The following GNAO1 variants were observed in gnomAD, a reference collection of about 807,000 sequenced individuals.
GNAO1 encodes G protein subunit alpha o1.
For missense variants in GNAO1, 166 were observed against 478.7 expected (o/e 0.35, Z 6.10); for synonymous variants, 164 against 180.7 (o/e 0.91, Z 0.74).
intron 2 of GNAO1, among the ~76,000 whole-genome samples, chr16:56,275,215 G>A (rs1382934818): frequency 1.3e-5 from 2 of 152,236 alleles, no homozygotes; most frequent in Non-Finnish European, 2.9e-5. Flanking sequence ...TTTGGCGTGA[G>A]CCCCTCCTTC....
intron 2 of GNAO1, among the ~76,000 whole-genome samples, chr16:56,257,117 A>G (rs1453585320): frequency 6.6e-6 from 1 of 152,120 alleles, no homozygotes; most frequent in African/African-American, 2.4e-5. Flanking sequence ...TGTCATGCCC[A>G]GTCTTCAGTA....
intron 2 of GNAO1, among the ~76,000 whole-genome samples, chr16:56,197,312 C>T (rs1483074606): frequency 6.6e-6 from 1 of 152,222 alleles, no homozygotes; most frequent in Non-Finnish European, 1.5e-5. Context: ...TTGCCTCCCT[C>T]CCTTCGTCCC....
chr16:56,249,549 A>G (rs1456265874), intron 2 of GNAO1, among the ~76,000 whole-genome samples: 1 of 152,196 alleles, frequency 6.6e-6, no homozygotes, highest in African/African-American at 2.4e-5. Context: ...AGGAGCTGGA[A>G]CAGAGCTTTT....
intron 2 of GNAO1, among the ~76,000 whole-genome samples, chr16:56,211,942 A>G (rs1476720311): frequency 6.6e-6 from 1 of 152,188 alleles, no homozygotes; most frequent in African/African-American, 2.4e-5. Flanking sequence ...GTGACTGTAA[A>G]TTATGCAACT....
chr16:56,242,884 C>CAGCAGGAAGTGAGT (rs2036707908), intron 2 of GNAO1, among the ~76,000 whole-genome samples: 1 of 152,206 alleles, frequency 6.6e-6, no homozygotes, highest in Non-Finnish European at 1.5e-5. Flanking sequence ...CCAGGCCATA[C>CAGCAGGAAGTGAGT]AGCAGGAAGT....
intron 6 of GNAO1, among the ~76,000 whole-genome samples, chr16:56,342,677 G>A (rs2037817324): frequency 6.6e-6 from 1 of 152,346 alleles, no homozygotes; most frequent in Middle Eastern, 3.4e-3. Flanking sequence ...GCCACAGGAG[G>A]TGATATCAAG....
At chr16:56,240,128 T>A (rs2036679949) in intron 2 of GNAO1, among the ~76,000 whole-genome samples, 1 of 152,098 alleles carries the variant, frequency 6.6e-6, no homozygotes, top group Non-Finnish European at 1.5e-5. Flanking sequence ...CCCAGTGTAA[T>A]CTTACAATGG....
chr16:56,284,554 C>T (rs1259514872), intron 3 of GNAO1, among the ~76,000 whole-genome samples: 2 of 152,198 alleles, frequency 1.3e-5, no homozygotes, highest in Admixed American at 6.5e-5. Context: ...TGAAATGTCT[C>T]TTAGCTGCTC....
chr16:56,304,727 T>C (rs1039542855), intron 3 of GNAO1, among the ~76,000 whole-genome samples: 4 of 152,250 alleles, frequency 2.6e-5, no homozygotes, highest in Non-Finnish European at 5.9e-5. Flanking sequence ...AATAAACAAA[T>C]GCCTCCACCC....
chr16:56,276,234 A>C, intron 3 of GNAO1, 162 bp downstream of exon 3: 2 of 534,818 alleles, frequency 3.7e-6, no homozygotes, highest in South Asian at 4.1e-5. Context: ...CATTGCATCC[A>C]CCCCTCTGGC....
At chr16:56,333,475 G>C (rs920004274) in intron 4 of GNAO1, among the ~76,000 whole-genome samples, 1 of 152,202 alleles carries the variant, frequency 6.6e-6, no homozygotes, top group African/African-American at 2.4e-5. Flanking sequence ...CTCCCAAAGT[G>C]CTGGGATTAC....
At chr16:56,327,077 A>G (rs1342762478) in intron 3 of GNAO1, among the ~76,000 whole-genome samples, 1 of 152,094 alleles carries the variant, frequency 6.6e-6, no homozygotes, top group Non-Finnish European at 1.5e-5. Context: ...AGATGGTAAT[A>G]CTACAGCAAC....
intron 3 of GNAO1, among the ~76,000 whole-genome samples, chr16:56,298,840 G>C (rs374405306): frequency 1.3e-5 from 2 of 151,856 alleles, no homozygotes; most frequent in African/African-American, 4.8e-5. Context: ...GTGTGAACCC[G>C]GTAGGCGGAG....
intron 2 of GNAO1, among the ~76,000 whole-genome samples, chr16:56,214,751 G>C (rs1282518310): frequency 6.6e-6 from 1 of 152,182 alleles, no homozygotes; most frequent in East Asian, 1.9e-4. Flanking sequence ...CTGTCCCTCT[G>C]TCCCAACCCC....
chr16:56,301,812 G>C (rs1352498314), intron 3 of GNAO1: 1 of 152,120 alleles, frequency 6.6e-6, no homozygotes, highest in African/African-American at 2.4e-5. Context: ...TATTGTCACT[G>C]AGTGTGCTGA....
At chr16:56,226,770 A>G (rs1303238667) in intron 2 of GNAO1, among the ~76,000 whole-genome samples, 1 of 152,220 alleles carries the variant, frequency 6.6e-6, no homozygotes, top group African/African-American at 2.4e-5. Flanking sequence ...TCACAGAACA[A>G]TAAACCGAGG....
rs116441240 is a variant in GNAO1 at position 56,343,996 on chromosome 16, C to A, written c.723+7136C>A. On this transcript the variant is annotated intron_variant, in intron 6 of 8. Coordinates refer to ENST00000262493, the MANE Select transcript of GNAO1 (RefSeq NM_020988.3). Reference sequence around the variant, plus strand: ...ACCCTTGCCCTGCCTGGCCTGCCGCCCCCCCTCCCCTGGAACCAGGCTCCA... The same window carrying A: ...ACCCTTGCCCTGCCTGGCCTGCCGCACCCCCTCCCCTGGAACCAGGCTCCA... The A allele has an allele frequency of 3.4e-5, 54 of 1,599,796 alleles. No individual in the cohort carries two copies. The African/African-American group carries it at 5.9e-4, about 17-fold the overall frequency.
intron 6 of GNAO1, chr16:56,344,294 G>A (rs765988582): frequency 4.9e-4 from 583 of 1,186,226 alleles, no homozygotes; most frequent in Non-Finnish European, 4.7e-4. Flanking sequence ...AAGCCTCGGA[G>A]TGTCCTCCTG....
chr16:56,252,969 A>C (rs1421448479), intron 2 of GNAO1, among the ~76,000 whole-genome samples: 1 of 152,248 alleles, frequency 6.6e-6, no homozygotes, highest in Non-Finnish European at 1.5e-5. Context: ...CTGAGGCTGC[A>C]ATGGAACTTT....
Sources: gnomAD v4.1 joint callset for allele counts (sites outside exome capture counted in the v4.1 genomes callset) on GRCh38, gnomAD v4.1.1 for gene constraint, MANE v1.5 for transcripts, NCBI Gene and HGNC (gene_info 2026-07-23, HGNC 2026-07-21) for gene names.